The following KCNT2 variants were observed in gnomAD, a reference collection of about 807,000 sequenced individuals.
KCNT2 encodes potassium channel subfamily T member 2.
Under a neutral mutation model 153.8 loss-of-function variants are expected in KCNT2, and 67 were observed. That is an observed-to-expected ratio of 0.44 (90% confidence interval 0.36 to 0.53). The LOEUF (loss-of-function observed/expected upper bound fraction) is 0.53, where lower values mean the gene tolerates loss of function less well. Ranked by LOEUF, KCNT2 falls within the 20% of genes least tolerant of loss-of-function variation. The pLI is 0.00. For synonymous variants in KCNT2, 500 were observed against 458.8 expected (o/e 1.09, Z -1.15); for missense variants, 975 against 1,354.8 (o/e 0.72, Z 4.40).
intron 26 of KCNT2, among the ~76,000 whole-genome samples, chr1:196,238,202 T>G (rs911179088): frequency 6.6e-6 from 1 of 151,934 alleles, no homozygotes; most frequent in Non-Finnish European, 1.5e-5. Flanking sequence ...AACAGGATAT[T>G]ATACTTCTTG....
intron 27 of KCNT2, among the ~76,000 whole-genome samples, chr1:196,228,624 A>G (rs1442493555): frequency 1.3e-5 from 2 of 152,086 alleles, no homozygotes; most frequent in Non-Finnish European, 2.9e-5. Flanking sequence ...GTCAGTCACC[A>G]TTATTTTTCA....
intron 13 of KCNT2, among the ~76,000 whole-genome samples, chr1:196,374,314 G>T (rs1032637796): frequency 6.6e-6 from 1 of 151,768 alleles, no homozygotes; most frequent in African/African-American, 2.4e-5. Flanking sequence ...AAGGTTACAT[G>T]GGAAATGGTT....
intron 13 of KCNT2, among the ~76,000 whole-genome samples, chr1:196,378,380 C>A (rs2148354312): frequency 6.6e-6 from 1 of 152,198 alleles, no homozygotes; most frequent in East Asian, 1.9e-4. Context: ...ACATCTAGAT[C>A]CAACTTTACA....
intron 22 of KCNT2, among the ~76,000 whole-genome samples, chr1:196,288,305 A>T (rs1470762357): frequency 6.6e-6 from 1 of 151,892 alleles, no homozygotes; most frequent in Admixed American, 6.6e-5. Flanking sequence ...GGTAATGGGG[A>T]TGCAGTTAAG....
chr1:196,472,893 T>C (rs1678217547), intron 5 of KCNT2, among the ~76,000 whole-genome samples: 1 of 152,122 alleles, frequency 6.6e-6, no homozygotes, highest in Non-Finnish European at 1.5e-5. Flanking sequence ...TACTGCACTA[T>C]TACCAATCCC....
At chr1:196,383,806 G>A (rs1669712869) in intron 13 of KCNT2, among the ~76,000 whole-genome samples, 1 of 152,138 alleles carries the variant, frequency 6.6e-6, no homozygotes, top group Admixed American at 6.5e-5. Flanking sequence ...TGTATTCAAT[G>A]TTGCCCTGTG....
intron 8 of KCNT2, among the ~76,000 whole-genome samples, chr1:196,456,651 T>C (rs1676698919): frequency 6.6e-6 from 1 of 151,986 alleles, no homozygotes; most frequent in Admixed American, 6.6e-5. Context: ...AATTAAATTG[T>C]GCATTATCTG....
chr1:196,369,648 C>T (rs1343448996), intron 14 of KCNT2, among the ~76,000 whole-genome samples: 2 of 152,150 alleles, frequency 1.3e-5, no homozygotes, highest in Non-Finnish European at 2.9e-5. Context: ...CTACAAAGGA[C>T]ATGAACTCAT....
At chr1:196,273,353 A>C in intron 25 of KCNT2, 1 of 672,892 alleles carries the variant, frequency 1.5e-6, no homozygotes, top group Non-Finnish European at 2.5e-6. Context: ...TAAATGATTT[A>C]TTTCATTTTA....
At chr1:196,477,399 A>C (rs1678630772) in intron 5 of KCNT2, among the ~76,000 whole-genome samples, 9 of 152,100 alleles carry the variant, frequency 5.9e-5, no homozygotes, top group Admixed American at 5.9e-4. Context: ...CAGCCTGGGC[A>C]ACATGGCAAA....
At chr1:196,459,561 C>A (rs1403412271) in intron 8 of KCNT2, among the ~76,000 whole-genome samples, 10 of 151,746 alleles carry the variant, frequency 6.6e-5, no homozygotes, top group African/African-American at 2.4e-4. Context: ...ATGGCACTAG[C>A]TCAAACTGGG....
chr1:196,301,511 C>A (rs1661182763), intron 22 of KCNT2, among the ~76,000 whole-genome samples: 1 of 152,154 alleles, frequency 6.6e-6, no homozygotes, highest in South Asian at 2.1e-4. Flanking sequence ...CAGAGTATTA[C>A]TTCTGATACC....
intron 4 of KCNT2, 116 bp downstream of exon 4, chr1:196,482,215 G>A: frequency 1.5e-6 from 1 of 671,656 alleles, no homozygotes; most frequent in South Asian, 1.8e-5. Context: ...TGTGCATGAA[G>A]ATTAATCAGG....
intron 13 of KCNT2, among the ~76,000 whole-genome samples, chr1:196,391,290 T>A (rs931496605): frequency 1.3e-5 from 2 of 151,370 alleles, no homozygotes; most frequent in Admixed American, 6.6e-5. Flanking sequence ...CACTAGCGCA[T>A]AGAACAAGAA....
chr1:196,561,675 A>AAAAAAAAAAC (rs1553254846), intron 1 of KCNT2, among the ~76,000 whole-genome samples: 1 of 36,472 alleles, frequency 2.7e-5, no homozygotes, highest in Non-Finnish European at 1.1e-4. Context: ...AAAAAAAAAA[A>AAAAAAAAAAC]AAGAAGAAGA....
At chr1:196,339,009 G>A (rs1163197193) in intron 16 of KCNT2, among the ~76,000 whole-genome samples, 1 of 144,588 alleles carries the variant, frequency 6.9e-6, no homozygotes, top group East Asian at 2.1e-4. Context: ...ATGACTGAAT[G>A]AGAGTGTAAG....
intron 26 of KCNT2, among the ~76,000 whole-genome samples, chr1:196,245,150 C>A (rs1458484564): frequency 1.3e-5 from 2 of 152,132 alleles, no homozygotes; most frequent in Non-Finnish European, 2.9e-5. Flanking sequence ...GCTTGGGGTG[C>A]ACCGTGAGTA....
At chr1:196,357,340 C>T (rs1280066101) in intron 14 of KCNT2, among the ~76,000 whole-genome samples, 1 of 151,870 alleles carries the variant, frequency 6.6e-6, no homozygotes, top group Non-Finnish European at 1.5e-5. Flanking sequence ...TTACTGACTA[C>T]TTATTGCTCT....
chr1:196,312,014 T>A (rs1016501234), intron 21 of KCNT2, among the ~76,000 whole-genome samples: 1 of 151,866 alleles, frequency 6.6e-6, no homozygotes, highest in Non-Finnish European at 1.5e-5. Context: ...TTGTAATGAT[T>A]GTCTTGTTAG....
Sources: gnomAD v4.1 joint callset for allele counts (sites outside exome capture counted in the v4.1 genomes callset) on GRCh38, gnomAD v4.1.1 for gene constraint, MANE v1.5 for transcripts, NCBI Gene and HGNC (gene_info 2026-07-23, HGNC 2026-07-21) for gene names.